C14orf39: variants seen among roughly 807,000 people sequenced by gnomAD.
C14orf39 encodes the protein chromosome 14 open reading frame 39.
C14orf39 carries 66 observed loss-of-function variants against 85.6 expected under a neutral mutation model. The ratio of observed to expected loss-of-function variants is 0.77; its 90% CI spans 0.63 to 0.95. The LOEUF (loss-of-function observed/expected upper bound fraction) is 0.95. Ranked by LOEUF, C14orf39 falls within the 40% of genes least tolerant of loss-of-function variation. The pLI is 0.00. For synonymous variants in C14orf39, 242 were observed against 214.0 expected (o/e 1.13, Z -1.14); for missense variants, 735 against 663.9 (o/e 1.11, Z -1.18).
intron 1 of C14orf39, chr14:60,508,809 G>C: frequency 6.4e-6 from 1 of 157,410 alleles, no homozygotes; most frequent in Non-Finnish European, 1.4e-5. Context: ...TCTCGACCGA[G>C]ACAACGCATC....
chr14:60,483,431 T>A (rs1892733217), intron 4 of C14orf39, among the ~76,000 whole-genome samples: 1 of 152,212 alleles, frequency 6.6e-6, no homozygotes, highest in Non-Finnish European at 1.5e-5. Context: ...ATATATTTAA[T>A]AGGAATTTTA....
intron 5 of C14orf39, among the ~76,000 whole-genome samples, chr14:60,474,492 A>T (rs1174357735): frequency 7.7e-6 from 1 of 130,064 alleles, no homozygotes; most frequent in Admixed American, 8.5e-5. Flanking sequence ...TTTCAAAGGG[A>T]ATGCTTCCAG....
Position 60,496,087 on chromosome 14 carries a change from C to T in C14orf39, c.-9+3209G>A, listed in dbSNP as rs544627729. Reference sequence around the variant, plus strand: ...GCATCCAGAGACAGACCTTGGCTTCCAGTGTTCTGACTGAGCAAAGCCACA... The same window carrying T: ...GCATCCAGAGACAGACCTTGGCTTCTAGTGTTCTGACTGAGCAAAGCCACA... On this transcript the variant is annotated intron_variant, in intron 2 of 5. Coordinates refer to the C14orf39 transcript ENST00000556799. 9 of 764,732 alleles carry T rather than the reference C, an allele frequency of 1.2e-5. No individual in the cohort carries two copies. In the Admixed American group the frequency reaches 1.6e-4, roughly 13 times the overall value. The allele number at this position is 764,732 out of a possible 1,614,324, so 47.4% of individuals were successfully genotyped here. A position where few individuals can be genotyped will look rare whatever the true frequency, so the allele number is the denominator to read the frequency against.
chr14:60,467,966 T>C (rs1007607925), intron 9 of C14orf39, among the ~76,000 whole-genome samples: 4 of 151,524 alleles, frequency 2.6e-5, no homozygotes, highest in African/African-American at 9.7e-5. Flanking sequence ...CTATCACTGA[T>C]CTCTATTTTA....
intron 16 of C14orf39, among the ~76,000 whole-genome samples, chr14:60,442,999 G>A (rs1016744389): frequency 2.0e-5 from 3 of 151,762 alleles, no homozygotes; most frequent in Admixed American, 6.6e-5. Context: ...TTACATCTTC[G>A]TCATTTTGCC....
Position 60,466,996 on chromosome 14 carries a change from G to T in C14orf39, c.816C>A (p.Ser272Arg). ...ATTCATAAGGAAGAAATAATTGACT[G>T]CTTTGAGTTTTATTCAATGTAAGTA... ...EHVLTLNKTQ[S>R]SQLFLPYESQ... The change falls in exon 10 of 18, where the codon AGC becomes AGA. Residue 272 changes from serine to arginine, a missense_variant. By Grantham distance (110) the Ser-to-Arg change is moderately radical. Transcript: ENST00000321731. The T allele has an allele frequency of 6.8e-7, 1 of 1,466,042 alleles. No homozygotes were observed. Among genetic ancestry groups the T allele is most frequent in the South Asian group, 1.5e-5 (1 of 66,602 alleles). 90.8% of individuals were successfully genotyped at this position (1,466,042 alleles called of 1,614,324 possible).
At chr14:60,509,771 A>G in intron 1 of C14orf39, 1 of 1,613,208 alleles carries the variant, frequency 6.2e-7, no homozygotes, top group Non-Finnish European at 8.5e-7. Flanking sequence ...GCCGCGCACC[A>G]TTTGGGACGG....
intron 16 of C14orf39, among the ~76,000 whole-genome samples, chr14:60,446,319 G>C (rs1237545501): frequency 6.6e-6 from 1 of 151,998 alleles, no homozygotes; most frequent in African/African-American, 2.4e-5. Flanking sequence ...TAGTAAACAA[G>C]AAAAGAGAGA....
chr14:60,464,780 T>C (rs1891705071), intron 11 of C14orf39, among the ~76,000 whole-genome samples: 2 of 152,088 alleles, frequency 1.3e-5, no homozygotes, highest in African/African-American at 4.8e-5. Context: ...TGTTTATATA[T>C]CCCATAGAAG....
rs145857128 is a variant in C14orf39, at chr14:60,446,999, C to A, written c.1504-4868G>T. On this transcript the variant is annotated intron_variant, in intron 16 of 17. Coordinates refer to ENST00000321731, the MANE Select transcript of C14orf39 (RefSeq NM_174978.3). ...AAAAGGCCTTTGACAAAATTCAACACCCCTTCAAGCTAAAAACTCTCAATA... is the reference window on the plus strand; with the variant it reads ...AAAAGGCCTTTGACAAAATTCAACAACCCTTCAAGCTAAAAACTCTCAATA... Among the ~76,000 whole-genome samples the A allele has an allele frequency of 5.6e-3, 859 of 152,104 alleles. 5 individuals are homozygous for A. The highest frequency in any genetic ancestry group is 0.019 in the African/African-American group (783 of 41,530).
chr14:60,478,281 C>T lies in C14orf39; in HGVS notation c.323+19G>A. ...AATACAAACTTATAGAATTGATAAA[C>T]TTCATATAAGTACTATACTTGTCTT... On this transcript the variant is annotated intron_variant, in intron 5 of 17. Coordinates refer to ENST00000321731, the MANE Select transcript of C14orf39 (RefSeq NM_174978.3). 1 of 1,229,888 alleles carries T rather than the reference C, an allele frequency of 8.1e-7. No individual in the cohort carries two copies. The highest frequency in any genetic ancestry group is 1.1e-6 in the Non-Finnish European group (1 of 905,134). 76.2% of individuals were successfully genotyped at this position (1,229,888 alleles called of 1,614,324 possible). A position where few individuals can be genotyped will look rare whatever the true frequency, so the allele number is the denominator to read the frequency against.
At chr14:60,465,738 T>C (rs551275605) in intron 11 of C14orf39, among the ~76,000 whole-genome samples, 6 of 152,028 alleles carry the variant, frequency 3.9e-5, no homozygotes, top group Non-Finnish European at 8.8e-5. Flanking sequence ...CTTTTTCTAT[T>C]ATTTTTAGGG....
intron 1 of C14orf39, among the ~76,000 whole-genome samples, chr14:60,513,981 T>C (rs916596898): frequency 1.3e-5 from 2 of 152,262 alleles, no homozygotes; most frequent in African/African-American, 4.8e-5. Flanking sequence ...ATTTATTTAT[T>C]TAATTTCACT....
intron 14 of C14orf39, 24 bp downstream of exon 14, chr14:60,458,654 T>A (rs940140386): frequency 1.3e-6 from 2 of 1,549,342 alleles, no homozygotes; most frequent in Middle Eastern, 3.4e-4. Context: ...TGCTTAGAAA[T>A]TAGAGATCAA....
chr14:60,504,344 A>G (rs1286930446), intron 1 of C14orf39, among the ~76,000 whole-genome samples: 1 of 152,270 alleles, frequency 6.6e-6, no homozygotes, highest in Non-Finnish European at 1.5e-5. Context: ...TAATACAAAC[A>G]GTTGATACAA....
At position 60,478,153 on chromosome 14, in the gene C14orf39, T is replaced by C. The variant is rs577547222; in HGVS notation, c.323+147A>G. On this transcript the variant is annotated intron_variant, in intron 5 of 17. Coordinates refer to ENST00000321731, the MANE Select transcript of C14orf39 (RefSeq NM_174978.3). ...AAGATCATGCCACTGCACTCCAGCCTGGGGGACAGAGCGAGACTCCATCTC... is the reference window on the plus strand; with the variant it reads ...AAGATCATGCCACTGCACTCCAGCCCGGGGGACAGAGCGAGACTCCATCTC... 5.9e-4 allele frequency: 126 copies of C among 214,210 alleles called. 2 individuals are homozygous for C. Among genetic ancestry groups the C allele is most frequent in the Admixed American group, 2.8e-3 (29 of 10,342 alleles). 13.3% of individuals were successfully genotyped at this position (214,210 alleles called of 1,614,324 possible). A position where few individuals can be genotyped will look rare whatever the true frequency, so the allele number is the denominator to read the frequency against.
chr14:60,462,383 T>A (rs1891573700), intron 11 of C14orf39, among the ~76,000 whole-genome samples: 1 of 152,122 alleles, frequency 6.6e-6, no homozygotes, highest in African/African-American at 2.4e-5. Flanking sequence ...ACGGCAAGAC[T>A]TTGTCTCAAA....
intron 15 of C14orf39, among the ~76,000 whole-genome samples, chr14:60,455,916 A>G (rs1891253833): frequency 6.6e-6 from 1 of 152,148 alleles, no homozygotes; most frequent in Non-Finnish European, 1.5e-5. Flanking sequence ...CTCTATTACC[A>G]TAAATGAGTC....
chr14:60,496,867 C>G (rs1195452022), intron 2 of C14orf39: 1 of 152,466 alleles, frequency 6.6e-6, no homozygotes, highest in Non-Finnish European at 1.5e-5. Flanking sequence ...TGTGGTTTCA[C>G]CTGCTTGTTC....
Sources: allele counts gnomAD v4.1 joint callset (sites outside exome capture counted in the v4.1 genomes callset), GRCh38; gene constraint gnomAD v4.1.1; transcripts MANE v1.5; gene names NCBI Gene and HGNC (gene_info 2026-07-23, HGNC 2026-07-21).